Variants in DOCK8 observed in about 807,000 individuals in gnomAD.
The protein encoded by DOCK8 is dedicator of cytokinesis protein 8.
A neutral mutation model predicts 245.6 loss-of-function variants in DOCK8; 141 were observed. The observed-to-expected ratio is 0.57, with a 90% CI of 0.50 to 0.66. The LOEUF is 0.66. Among genes scored for constraint, DOCK8 ranks in the 30% least tolerant of loss-of-function variants. DOCK8 has a pLI of 0.00. For synonymous variants in DOCK8, 1,168 were observed against 970.2 expected (o/e 1.20, Z -3.79); for missense variants, 2,965 against 2,603.4 (o/e 1.14, Z -3.02).
chr9:346,340 C>T (rs1445117107), intron 14 of DOCK8, among the ~76,000 whole-genome samples: 1 of 151,650 alleles, frequency 6.6e-6, no homozygotes, highest in Non-Finnish European at 1.5e-5. Context: ...CTGGTGGGGG[C>T]AGAATGAAAA....
Position 407,169 on chromosome 9 carries a change from C to G in DOCK8, c.3530+100C>G, listed in dbSNP as rs542168566. ...TTCTCACACTTGGTAAAAAACTCTACTGTAGTTGACCAGTTCTGAGGAGTA... is the reference window on the plus strand; with the variant it reads ...TTCTCACACTTGGTAAAAAACTCTAGTGTAGTTGACCAGTTCTGAGGAGTA... On this transcript the variant is annotated intron_variant, in intron 28 of 47. Coordinates refer to ENST00000432829, the MANE Select transcript of DOCK8 (RefSeq NM_203447.4). The G allele has an allele frequency of 4.7e-5, 73 of 1,537,238 alleles. No homozygotes were observed. In the African/African-American group the frequency reaches 8.3e-4, roughly 18 times the overall value.
chr9:337,174 C>G (rs1168073658), intron 12 of DOCK8, among the ~76,000 whole-genome samples: 3 of 152,210 alleles, frequency 2.0e-5, no homozygotes, highest in Non-Finnish European at 4.4e-5. Context: ...CTTCCCAACA[C>G]TGCCACCATG....
At position 235,240 on chromosome 9, in the gene DOCK8, C is replaced by G. The variant is rs1734425217; in HGVS notation, c.53+20211C>G. ...ATTGGTGAACCGCAAATGCTGCTGC[C>G]TGATTGTTCCTCTGGAAGTTTTGTG... On this transcript the variant is annotated intron_variant, in intron 1 of 47. Transcript: ENST00000432829. Among the ~76,000 whole-genome samples the G allele has an allele frequency of 9.9e-5, 15 of 152,274 alleles. 1 individual carries two copies. The South Asian group carries it at 3.1e-3, about 32-fold the overall frequency.
rs1175920615 is a variant in DOCK8, at chr9:244,209, A to T, written c.54-27418A>T. On this transcript the variant is annotated intron_variant, in intron 1 of 47. Coordinates refer to ENST00000432829, the MANE Select transcript of DOCK8 (RefSeq NM_203447.4). ...TCTGAAAAAAAAAAAAAAAAAAAAA[A>T]TTTTAGCTCTCAAAGTTTTCCTCCA... Among the ~76,000 whole-genome samples the T allele has an allele frequency of 5.8e-5, 7 of 119,870 alleles. No individual in the cohort carries two copies. In the East Asian group the frequency reaches 7.4e-4, roughly 13 times the overall value. The allele number at this position is 119,870 out of a possible 152,430, so 78.6% of individuals were successfully genotyped here. A position where few individuals can be genotyped will look rare whatever the true frequency, so the allele number is the denominator to read the frequency against.
chr9:231,460 C>T (rs568964657), intron 1 of DOCK8, among the ~76,000 whole-genome samples: 9 of 152,198 alleles, frequency 5.9e-5, no homozygotes, highest in East Asian at 1.9e-4. Flanking sequence ...TAGCTTGATG[C>T]GGATGGCTTG....
chr9:241,438 A>T (rs568074287), intron 1 of DOCK8, among the ~76,000 whole-genome samples: 28 of 152,184 alleles, frequency 1.8e-4, no homozygotes, highest in African/African-American at 6.3e-4. Flanking sequence ...CTTCTATGAG[A>T]TCGAAGTTTT....
At chr9:239,206 C>G (rs771622590) in intron 1 of DOCK8, among the ~76,000 whole-genome samples, 1 of 152,216 alleles carries the variant, frequency 6.6e-6, no homozygotes, top group Admixed American at 6.5e-5. Flanking sequence ...CATACACACA[C>G]GCATGGCCGC....
intron 28 of DOCK8, among the ~76,000 whole-genome samples, chr9:408,484 A>G (rs2055544620): frequency 6.6e-6 from 1 of 152,148 alleles, no homozygotes; most frequent in South Asian, 2.1e-4. Context: ...ATTTCTCCCA[A>G]TTATCTCAGT....
intron 14 of DOCK8, among the ~76,000 whole-genome samples, chr9:361,073 C>T (rs1563963609): frequency 6.6e-6 from 1 of 152,076 alleles, no homozygotes; most frequent in African/African-American, 2.4e-5. Flanking sequence ...GAGGCTGAAG[C>T]AGAGGATCGC....
At chr9:275,650 G>A (rs770353868) in intron 2 of DOCK8, among the ~76,000 whole-genome samples, 9 of 151,778 alleles carry the variant, frequency 5.9e-5, no homozygotes, top group South Asian at 2.1e-4. Context: ...GTGCAGTGGC[G>A]CAATCTTGGC....
At chr9:455,925 C>T (rs2057626084) in intron 46 of DOCK8, among the ~76,000 whole-genome samples, 1 of 152,132 alleles carries the variant, frequency 6.6e-6, no homozygotes, top group Non-Finnish European at 1.5e-5. Context: ...ATTCATTCAG[C>T]AGTTATTGAG....
At chr9:333,916 C>T (rs936100649) in intron 10 of DOCK8, among the ~76,000 whole-genome samples, 1 of 152,106 alleles carries the variant, frequency 6.6e-6, no homozygotes, top group African/African-American at 2.4e-5. Flanking sequence ...CATAGCTAGC[C>T]ACCAAAAGAA....
rs561851182 is a variant in DOCK8, at chr9:357,450, T to G, written c.1680-10568T>G. 9.3e-4 allele frequency among the ~76,000 whole-genome samples: 141 copies of G among 152,336 alleles called. 1 individual carries two copies. The highest frequency in any genetic ancestry group is 3.1e-3 in the African/African-American group (128 of 41,576). ...GACATTAAGACTGGCTATTGTTTTA[T>G]TTCTCTCTCTCTCTCTTTCTCTTTC... On this transcript the variant is annotated intron_variant, in intron 14 of 47. Coordinates refer to ENST00000432829, the MANE Select transcript of DOCK8 (RefSeq NM_203447.4).
In DOCK8 at chr9:351,696, G is replaced by A. The variant is rs2052176197; in HGVS notation, c.1679+11375G>A. On this transcript the variant is annotated intron_variant, in intron 14 of 47. Coordinates refer to ENST00000432829, the MANE Select transcript of DOCK8 (RefSeq NM_203447.4). ...TGAGAAAGTGGAATGGGAGGGGAAC[G>A]TGTGAAGAACAGGAAGTTTGCCTCT... Among the ~76,000 whole-genome samples the A allele has an allele frequency of 2.6e-5, 4 of 152,196 alleles. No homozygotes were observed. The South Asian group carries it at 8.3e-4, about 31-fold the overall frequency.
chr9:399,544 C>T (rs1324771948), intron 26 of DOCK8, among the ~76,000 whole-genome samples: 1 of 152,116 alleles, frequency 6.6e-6, no homozygotes, highest in Non-Finnish European at 1.5e-5. Context: ...ATTTGACATT[C>T]AACAGAAAAT....
chr9:212,112 G>C (rs746711983), upstream of DOCK8, among the ~76,000 whole-genome samples: 1 of 152,164 alleles, frequency 6.6e-6, no homozygotes, highest in Non-Finnish European at 1.5e-5. Context: ...GTTGCAAAGA[G>C]GTATGTGTGG....
In DOCK8 at chr9:335,859, A is replaced by G. The variant is rs1485475624; in HGVS notation, c.1286-723A>G. Among the ~76,000 whole-genome samples the G allele has an allele frequency of 2.6e-5, 4 of 152,210 alleles. No homozygotes were observed. In the South Asian group the frequency reaches 6.2e-4, roughly 24 times the overall value. On this transcript the variant is annotated intron_variant, in intron 11 of 47. Coordinates refer to ENST00000432829, the MANE Select transcript of DOCK8 (RefSeq NM_203447.4). ...TTCAACATCATGGTAAGAATTAAGG[A>G]TAAGAAGATACTCAAAGACGGGTTG...
chr9:310,559 A>C (rs1465759119), intron 5 of DOCK8, among the ~76,000 whole-genome samples: 1 of 152,136 alleles, frequency 6.6e-6, no homozygotes, highest in Admixed American at 6.5e-5. Context: ...CCCGGGTTCA[A>C]GCGATTCTCC....
At chr9:377,928 A>G (rs1168968925) in intron 20 of DOCK8, among the ~76,000 whole-genome samples, 2 of 152,330 alleles carry the variant, frequency 1.3e-5, no homozygotes, top group African/African-American at 2.4e-5. Context: ...TAACTCTTCC[A>G]GGGTAGACTG....
Sources: gnomAD v4.1 joint callset for allele counts (sites outside exome capture counted in the v4.1 genomes callset) on GRCh38, gnomAD v4.1.1 for gene constraint, MANE v1.5 for transcripts, NCBI Gene and HGNC (gene_info 2026-07-23, HGNC 2026-07-21) for gene names.